Variants in ZZEF1 observed in about 807,000 individuals in gnomAD.
The protein encoded by ZZEF1 is zinc finger ZZ-type and EF-hand domain containing 1.
A neutral mutation model predicts 342.8 loss-of-function variants in ZZEF1; 157 were observed. That is an observed-to-expected ratio of 0.46 (90% CI 0.40 to 0.52). ZZEF1 has a LOEUF of 0.52. Ranked by LOEUF, ZZEF1 falls within the 20% of genes least tolerant of loss-of-function variation. The probability of loss-of-function intolerance (pLI) is 0.00; values close to 1 mark genes in which losing one functional copy is unlikely to be tolerated. For synonymous variants in ZZEF1, 1,505 were observed against 1,429.1 expected (o/e 1.05, Z -1.20); for missense variants, 3,480 against 3,725.6 (o/e 0.93, Z 1.72).
intron 1 of ZZEF1, 140 bp from the exon 2 acceptor site, chr17:4,124,191 A>G (rs2145555388): frequency 9.0e-7 from 1 of 1,107,132 alleles, no homozygotes; most frequent in Non-Finnish European, 1.2e-6. Flanking sequence ...TGTATCAACC[A>G]AAGATAAATT....
chr17:4,007,569 C>G (rs149968641), intron 54 of ZZEF1, among the ~76,000 whole-genome samples: 2 of 152,236 alleles, frequency 1.3e-5, no homozygotes, highest in African/African-American at 4.8e-5. Flanking sequence ...CAAGAGGGAC[C>G]CGCCCACAGG....
intron 11 of ZZEF1, among the ~76,000 whole-genome samples, chr17:4,093,500 A>C (rs1597881460): frequency 6.6e-6 from 1 of 152,244 alleles, no homozygotes; most frequent in South Asian, 2.1e-4. Context: ...ATGCTGCTAA[A>C]GGAATTGCAG....
rs186990743 is a variant in ZZEF1, at chr17:4,064,711, G to A, written c.4368C>T (p.Leu1456=). ...TADETSHLQP[L]NKRQRTSSVV... ...CAGAGCTTGTCCTCTGACGCTTGTT[G>A]AGTGGCTGGAGATGACTGGTTTCAT... Residue 1456 remains leucine (L), a synonymous_variant, in exon 29 of 55, where the codon CTC becomes CTT. Transcript: ENST00000381638. The A allele has an allele frequency of 2.5e-5, 41 of 1,614,164 alleles. No homozygotes were observed. Among genetic ancestry groups the A allele is most frequent in the Non-Finnish European group, 3.4e-5 (40 of 1,180,032 alleles).
chr17:4,123,200 G>A (rs1445577449), intron 2 of ZZEF1, among the ~76,000 whole-genome samples: 9 of 145,110 alleles, frequency 6.2e-5, no homozygotes, highest in South Asian at 2.2e-4. Flanking sequence ...GATTACAGGC[G>A]TAAGCCACCG....
At chr17:4,116,641 T>G (rs1443362566) in intron 3 of ZZEF1, among the ~76,000 whole-genome samples, 1 of 152,350 alleles carries the variant, frequency 6.6e-6, no homozygotes, top group Non-Finnish European at 1.5e-5. Flanking sequence ...AGTGAATCAA[T>G]AATGCTACAA....
At chr17:4,129,210 A>C (rs1346691521) in intron 1 of ZZEF1, among the ~76,000 whole-genome samples, 1 of 152,228 alleles carries the variant, frequency 6.6e-6, no homozygotes, top group African/African-American at 2.4e-5. Flanking sequence ...CAGATATTGC[A>C]ATCATGAAAG....
chr17:4,036,807 ACACACACACACTCTCTCTCTCT>A (rs1567782034), intron 39 of ZZEF1, among the ~76,000 whole-genome samples: 5 of 94,986 alleles, frequency 5.3e-5, no homozygotes, highest in Admixed American at 1.1e-4. Flanking sequence ...ACACACACAC[ACACACACACACTCTCTCTCTCT>A]CTCTCTCTCT....
rs371018872 is a variant in ZZEF1, at chr17:4,009,648, G to A, written c.8689C>T (p.Arg2897Cys). The A allele has an allele frequency of 3.1e-6, 5 of 1,613,976 alleles. No homozygotes were observed. Among genetic ancestry groups the A allele is most frequent in the Admixed American group, 1.7e-5 (1 of 60,010 alleles). ...ACGAAGAAGAGCTCAGTGAGGGCAC[G>A]ATGCAGGGGAAGGAGGATGCCGGGC... ...TQPGILLPLH[R>C]ALTELFFVTE... Residue 2897 changes from arginine (R) to cysteine (C), a missense_variant, in exon 53 of 55, where the codon CGT becomes TGT. Physicochemically the swap from Arg to Cys is radical, Grantham distance 180. Transcript: ENST00000381638.
chr17:4,059,530 T>C (rs1216719259), intron 30 of ZZEF1, among the ~76,000 whole-genome samples: 1 of 152,154 alleles, frequency 6.6e-6, no homozygotes, highest in Non-Finnish European at 1.5e-5. Context: ...TTATCTTCTT[T>C]GTGAATATAA....
Position 4,016,538 on chromosome 17 carries a change from C to T in ZZEF1, c.8002-72G>A. The T allele has an allele frequency of 6.6e-7, 1 of 1,522,186 alleles. No homozygotes were observed. The highest frequency in any genetic ancestry group is 8.8e-7 in the Non-Finnish European group (1 of 1,141,914). The allele number at this position is 1,522,186 out of a possible 1,614,324, so 94.3% of individuals were successfully genotyped here. ...GGAAGAAGGGACAGTTTACTTCAACCCAAGCTCCACCCAAAGGTGCTGGCA... is the reference window on the plus strand; with the variant it reads ...GGAAGAAGGGACAGTTTACTTCAACTCAAGCTCCACCCAAAGGTGCTGGCA... On this transcript the variant is annotated intron_variant, in intron 48 of 54. Coordinates refer to ENST00000381638, the MANE Select transcript of ZZEF1 (RefSeq NM_015113.4). The surrounding 1 kb of genome is among the most constrained non-coding windows in gnomAD (Gnocchi z 4.4).
At chr17:4,093,725 G>C (rs2057986405) in intron 11 of ZZEF1, among the ~76,000 whole-genome samples, 1 of 152,118 alleles carries the variant, frequency 6.6e-6, no homozygotes, top group Non-Finnish European at 1.5e-5. Context: ...GTACTGAAAG[G>C]CTTCTATTAA....
rs2057351682 is a variant in ZZEF1 at position 4,064,514 on chromosome 17, G to A, written c.4565C>T (p.Pro1522Leu). The A allele has an allele frequency of 6.2e-7, 1 of 1,614,074 alleles. No individual in the cohort carries two copies. Among genetic ancestry groups the A allele is most frequent in the African/African-American group, 1.3e-5 (1 of 74,928 alleles). Reference sequence around the variant, plus strand: ...TCGGGTGAAGGGAGGCCGGCGGGTGGGTGTGGAAGGTGACAAGGGCTCTTC... The same window carrying A: ...TCGGGTGAAGGGAGGCCGGCGGGTGAGTGTGGAAGGTGACAAGGGCTCTTC... The part of the protein sequence containing the change: ...TAEEPLSPST[P>L]TRRPPFTRGR... The change falls in exon 29 of 55, where the codon CCC becomes CTC. Residue 1522 changes from proline to leucine, a missense_variant. Pro to Leu is a moderately conservative substitution (Grantham distance 98, BLOSUM62 -3). Coordinates refer to ENST00000381638, the MANE Select transcript of ZZEF1 (RefSeq NM_015113.4).
chr17:4,122,105 G>A (rs1187718218), intron 2 of ZZEF1, among the ~76,000 whole-genome samples: 8 of 152,048 alleles, frequency 5.3e-5, no homozygotes, highest in Admixed American at 3.9e-4. Context: ...AGGGTCAAGA[G>A]CAATCAGATT....
intron 26 of ZZEF1, among the ~76,000 whole-genome samples, chr17:4,068,906 T>C (rs2057455678): frequency 6.6e-6 from 1 of 152,244 alleles, no homozygotes; most frequent in Non-Finnish European, 1.5e-5. Flanking sequence ...ATTCTCAAAG[T>C]AGTTCAGTCT....
At chr17:4,122,678 C>A (rs1472030123) in intron 2 of ZZEF1, among the ~76,000 whole-genome samples, 1 of 152,140 alleles carries the variant, frequency 6.6e-6, no homozygotes, top group African/African-American at 2.4e-5. Flanking sequence ...AGCCACTGTG[C>A]CCCGCCGGCA....
chr17:4,046,167 C>T (rs1258347771), intron 37 of ZZEF1, among the ~76,000 whole-genome samples: 1 of 152,176 alleles, frequency 6.6e-6, no homozygotes, highest in African/African-American at 2.4e-5. Context: ...CTTTGATGCC[C>T]TTTTGAGAAT....
At position 4,114,439 on chromosome 17, in the gene ZZEF1, C is replaced by G; in HGVS notation, c.726G>C (p.Glu242Asp). ...TTGCTACTGACTTGAGTTTATCCAT[C>G]TCTGGACTTCTAGTTAGATCTCCAG... The part of the protein sequence containing the change: ...ESPGDLTRSP[E>D]MDKLKSVAKC... Residue 242 changes from glutamate (E) to aspartate (D), a missense_variant, in exon 4 of 55, where the codon GAG becomes GAC. By Grantham distance (45) the Glu-to-Asp change is conservative (BLOSUM62 2). This residue lies in a region of ZZEF1 where 416 missense variants were observed against 374.2 expected (regional missense o/e 1.11). Transcript: ENST00000381638. 7 of 1,596,134 alleles carry G rather than the reference C, an allele frequency of 4.4e-6. No individual in the cohort carries two copies. Among genetic ancestry groups the G allele is most frequent in the Non-Finnish European group, 6.0e-6 (7 of 1,171,474 alleles).
intron 21 of ZZEF1, chr17:4,076,282 C>G (rs8065673): frequency 0.14 from 22,382 of 154,820 alleles, 1,757 homozygotes; most frequent in African/African-American, 0.2. Flanking sequence ...CAGGCGCCCA[C>G]CATCACGCCC....
intron 15 of ZZEF1, 122 bp downstream of exon 15, chr17:4,086,335 TTCCCACAGCGGCAATCCCTTTCTGGGGGA>T: frequency 1.9e-6 from 1 of 527,740 alleles, no homozygotes; most frequent in African/African-American, 2.4e-5. Context: ...TTCTGGGGGA[TTCCCACAGCGGCAATCCCTTTCTGGGGGA>T]TTCCCACAGC....
Sources: gnomAD v4.1 joint callset for allele counts (sites outside exome capture counted in the v4.1 genomes callset) on GRCh38, gnomAD v4.1.1 for gene constraint, gnomAD v4.1.1 regional missense constraint, Gnocchi (gnomAD v3.1) non-coding constraint, MANE v1.5 for transcripts, NCBI Gene and HGNC (gene_info 2026-07-23, HGNC 2026-07-21) for gene names.